PARVA: variants seen among roughly 807,000 people sequenced by gnomAD.
PARVA encodes the protein parvin alpha.
A neutral mutation model predicts 52.6 loss-of-function variants in PARVA; 25 were observed. That is an observed-to-expected ratio of 0.48 (90% confidence interval 0.35 to 0.66). PARVA has a LOEUF of 0.66. Ranked by LOEUF, PARVA falls within the 30% of genes least tolerant of loss-of-function variation. The pLI, the probability that PARVA is intolerant of heterozygous loss-of-function variation, is 0.01. For synonymous variants in PARVA, 185 were observed against 179.1 expected (o/e 1.03, Z -0.26); for missense variants, 373 against 450.9 (o/e 0.83, Z 1.56).
intron 1 of PARVA, among the ~76,000 whole-genome samples, chr11:12,457,488 C>T (rs796494678): frequency 6.6e-6 from 1 of 152,188 alleles, no homozygotes; most frequent in East Asian, 1.9e-4. Context: ...CTCTCAGAAC[C>T]AGCACTTGCT....
At chr11:12,405,138 G>C (rs545668423) in intron 1 of PARVA, among the ~76,000 whole-genome samples, 1 of 152,038 alleles carries the variant, frequency 6.6e-6, no homozygotes, top group Admixed American at 6.5e-5. Flanking sequence ...TTTTCCTTCT[G>C]GGCAAGAAAA....
chr11:12,438,611 C>T (rs1259932352), intron 1 of PARVA, among the ~76,000 whole-genome samples: 1 of 152,132 alleles, frequency 6.6e-6, no homozygotes, highest in Non-Finnish European at 1.5e-5. Flanking sequence ...TCAAACATAG[C>T]ATTCATTAAT....
intron 1 of PARVA, among the ~76,000 whole-genome samples, chr11:12,393,044 GAAAAAAAA>G (rs60966710): frequency 1.1e-3 from 53 of 46,130 alleles, no homozygotes; most frequent in Non-Finnish European, 2.0e-3. Flanking sequence ...CCCAAATTGT[GAAAAAAAA>G]AAAAAAAAAA....
intron 12 of PARVA, among the ~76,000 whole-genome samples, chr11:12,527,579 A>G (rs1218322587): frequency 4.6e-5 from 7 of 152,122 alleles, no homozygotes; most frequent in Admixed American, 3.9e-4. Context: ...GGTTGGTTCT[A>G]TGATGGAGGT....
At position 12,533,279 on chromosome 11, in the gene PARVA, G is replaced by A. The variant is rs1941795017; in HGVS notation, c.*5354G>A. Among the ~76,000 whole-genome samples the A allele has an allele frequency of 2.6e-5, 4 of 152,236 alleles. No individual in the cohort carries two copies. Among genetic ancestry groups the A allele is most frequent in the Non-Finnish European group, 5.9e-5 (4 of 68,050 alleles). ...TGATCCATGGAGACCAGTGCTTCCA[G>A]CCCTCTCACCTCGGAGGAGGACTCC... On this transcript the variant is annotated 3_prime_UTR_variant, in exon 13 of 13. Transcript: ENST00000334956.
In PARVA at chr11:12,485,103, C is replaced by A. The variant is rs143208501; in HGVS notation, c.400+7154C>A. ...TGGTGGGATTAAAGGCGTGAGCCACCTCACCCAGCCAGAGGGGGCATTTTG... is the reference window on the plus strand; with the variant it reads ...TGGTGGGATTAAAGGCGTGAGCCACATCACCCAGCCAGAGGGGGCATTTTG... On this transcript the variant is annotated intron_variant, in intron 4 of 12. Coordinates refer to ENST00000334956, the MANE Select transcript of PARVA (RefSeq NM_018222.5). 3.1e-3 allele frequency among the ~76,000 whole-genome samples: 478 copies of A among 152,254 alleles called. 4 individuals carry two copies. Among genetic ancestry groups the A allele is most frequent in the African/African-American group, 0.011 (444 of 41,558 alleles).
At position 12,504,342 on chromosome 11, in the gene PARVA, C is replaced by G. The variant is rs772658955; in HGVS notation, c.570C>G (p.Ile190Met). 1 of 1,613,252 alleles carries G rather than the reference C, an allele frequency of 6.2e-7. No homozygotes were observed. The highest frequency in any genetic ancestry group is 1.7e-5 in the Admixed American group (1 of 60,022). Residue 190 changes from isoleucine to methionine, a missense_variant, in exon 6 of 13, where the codon ATC becomes ATG. Ile to Met is a conservative substitution (Grantham distance 10). Coordinates refer to ENST00000334956, the MANE Select transcript of PARVA (RefSeq NM_018222.5). Reference sequence around the variant, plus strand: ...TTCATGCCAAGAGCCTGGTGGCCATCTTACACCTGCTCGTTGCTCTGTCTC... The same window carrying G: ...TTCATGCCAAGAGCCTGGTGGCCATGTTACACCTGCTCGTTGCTCTGTCTC... ...DSVHAKSLVA[I>M]LHLLVALSQY...
chr11:12,435,433 T>C (rs1238229669), intron 1 of PARVA, among the ~76,000 whole-genome samples: 1 of 152,252 alleles, frequency 6.6e-6, no homozygotes, highest in Non-Finnish European at 1.5e-5. Context: ...ACAGATGAGA[T>C]GTGAAACACA....
At chr11:12,506,189 T>A (rs566077832) in intron 6 of PARVA, among the ~76,000 whole-genome samples, 8 of 152,332 alleles carry the variant, frequency 5.3e-5, no homozygotes, top group South Asian at 2.1e-4. Context: ...TGTTTTTTTT[T>A]AATCATGGTT....
intron 1 of PARVA, among the ~76,000 whole-genome samples, chr11:12,440,178 A>G (rs1399838072): frequency 1.3e-5 from 2 of 152,222 alleles, no homozygotes; most frequent in Non-Finnish European, 2.9e-5. Context: ...GCCAACGACC[A>G]ACTGGCCATT....
chr11:12,519,449 A>T (rs1269369506), intron 12 of PARVA, among the ~76,000 whole-genome samples: 1 of 152,178 alleles, frequency 6.6e-6, no homozygotes, highest in Non-Finnish European at 1.5e-5. Context: ...GTAGCCAACC[A>T]GGGAAGAGAA....
chr11:12,450,690 C>T (rs1362249919), intron 1 of PARVA, among the ~76,000 whole-genome samples: 2 of 152,188 alleles, frequency 1.3e-5, no homozygotes, highest in East Asian at 1.9e-4. Context: ...CTGAGACCCA[C>T]GGCATTCAGT....
intron 1 of PARVA, among the ~76,000 whole-genome samples, chr11:12,454,251 A>G (rs919814159): frequency 3.9e-5 from 6 of 152,154 alleles, no homozygotes; most frequent in Non-Finnish European, 8.8e-5. Flanking sequence ...TTTCACCTAC[A>G]TTTCAGTGGA....
intron 1 of PARVA, among the ~76,000 whole-genome samples, chr11:12,422,544 A>C (rs2134985726): frequency 6.6e-6 from 1 of 152,094 alleles, no homozygotes; most frequent in South Asian, 2.1e-4. Flanking sequence ...GTAAACAGTT[A>C]TTTTCATTCA....
intron 1 of PARVA, among the ~76,000 whole-genome samples, chr11:12,428,053 G>A (rs560409296): frequency 5.9e-5 from 9 of 152,298 alleles, no homozygotes; most frequent in African/African-American, 1.9e-4. Flanking sequence ...TCACTATTGG[G>A]ACAGGGCTCA....
intron 7 of PARVA, 104 bp downstream of exon 7, chr11:12,508,746 G>T: frequency 1.1e-6 from 1 of 912,272 alleles, no homozygotes; most frequent in East Asian, 2.4e-5. Context: ...TGGGATTGCA[G>T]GAGGGATTAG....
intron 11 of PARVA, 100 bp from the exon 12 acceptor site, chr11:12,518,345 G>C: frequency 1.2e-6 from 1 of 835,600 alleles, no homozygotes; most frequent in Non-Finnish European, 2.0e-6. Flanking sequence ...TTCAGCCTCT[G>C]TCCCTCTGGC....
intron 1 of PARVA, among the ~76,000 whole-genome samples, chr11:12,430,435 G>A (rs1268844536): frequency 1.3e-5 from 2 of 152,152 alleles, no homozygotes; most frequent in Non-Finnish European, 2.9e-5. Context: ...CTTTCCTAAC[G>A]AGGGTAAAAG....
At chr11:12,487,972 GTC>G (rs1399999109) in intron 4 of PARVA, among the ~76,000 whole-genome samples, 1 of 152,144 alleles carries the variant, frequency 6.6e-6, no homozygotes, top group Non-Finnish European at 1.5e-5. Flanking sequence ...TATATTATCA[GTC>G]TTATTGAAAT....
Sources: gnomAD v4.1 joint callset for allele counts (sites outside exome capture counted in the v4.1 genomes callset) on GRCh38, gnomAD v4.1.1 for gene constraint, MANE v1.5 for transcripts, NCBI Gene and HGNC (gene_info 2026-07-23, HGNC 2026-07-21) for gene names.